Variants in NELL1 observed in about 807,000 individuals in gnomAD.
NELL1 encodes the protein neural EGFL like 1.
In NELL1, 76 loss-of-function variants were observed where a neutral mutation model predicts 107.4. The observed-to-expected ratio is 0.71, with a 90% CI of 0.59 to 0.86. The LOEUF (loss-of-function observed/expected upper bound fraction) is 0.86, where lower values mean the gene tolerates loss of function less well. Ranked by LOEUF, NELL1 falls within the 40% of genes least tolerant of loss-of-function variation. The pLI is 0.00. For missense variants in NELL1, 1,024 were observed against 1,005.5 expected, an observed-to-expected ratio of 1.02 and a Z score of -0.25; for synonymous variants, 353 against 341.2, an observed-to-expected ratio of 1.03 and a Z score of -0.38.
intron 4 of NELL1, among the ~76,000 whole-genome samples, chr11:20,870,639 G>A (rs1186888239): frequency 6.6e-6 from 1 of 152,102 alleles, no homozygotes. Flanking sequence ...GACACTTTCC[G>A]AGCTTGTAGC....
At chr11:21,044,095 T>A (rs1296264206) in intron 12 of NELL1, among the ~76,000 whole-genome samples, 3 of 152,092 alleles carry the variant, frequency 2.0e-5, no homozygotes, top group Admixed American at 6.6e-5. Flanking sequence ...AGGGCTCAGA[T>A]CAAATCCTGA....
chr11:20,883,195 G>A (rs1849442552), intron 4 of NELL1, among the ~76,000 whole-genome samples: 1 of 152,168 alleles, frequency 6.6e-6, no homozygotes, highest in South Asian at 2.1e-4. Context: ...TGTGGGGGCT[G>A]TATGACATGG....
At chr11:21,016,707 A>C (rs1044369594) in intron 12 of NELL1, among the ~76,000 whole-genome samples, 4 of 151,770 alleles carry the variant, frequency 2.6e-5, no homozygotes, top group Non-Finnish European at 5.9e-5. Flanking sequence ...CCCCTTTCCC[A>C]CCTGTATATT....
In NELL1 at chr11:20,891,140, C is replaced by A. The variant is rs140962784; in HGVS notation, c.603+5600C>A. Among the ~76,000 whole-genome samples the A allele has an allele frequency of 6.7e-3, 1,023 of 152,296 alleles. 29 individuals are homozygous for A. In the East Asian group the frequency reaches 0.07, roughly 10 times the overall value. ...AGACCAAGTCACCTACAAAGGGAAGCCCATCAGACTAACAGTGGACCTCTT... is the reference window on the plus strand; with the variant it reads ...AGACCAAGTCACCTACAAAGGGAAGACCATCAGACTAACAGTGGACCTCTT... On this transcript the variant is annotated intron_variant, in intron 5 of 19. Coordinates refer to ENST00000357134, the MANE Select transcript of NELL1 (RefSeq NM_006157.5).
At chr11:21,566,228 T>C (rs753858460) in intron 17 of NELL1, among the ~76,000 whole-genome samples, 1 of 151,946 alleles carries the variant, frequency 6.6e-6, no homozygotes, top group Non-Finnish European at 1.5e-5. Flanking sequence ...TATTACTGTT[T>C]TACAGAAATA....
chr11:21,184,046 C>T (rs1330239456), intron 13 of NELL1, among the ~76,000 whole-genome samples: 2 of 151,880 alleles, frequency 1.3e-5, no homozygotes, highest in African/African-American at 4.9e-5. Context: ...GAGGCAGTAG[C>T]ACCATTCCTA....
intron 15 of NELL1, among the ~76,000 whole-genome samples, chr11:21,507,917 A>T (rs1590989777): frequency 6.6e-6 from 1 of 151,940 alleles, no homozygotes; most frequent in East Asian, 1.9e-4. Context: ...AGTAGCTGAG[A>T]CTACAGGTGT....
chr11:21,506,657 T>G (rs1369051574), intron 15 of NELL1, among the ~76,000 whole-genome samples: 1 of 152,212 alleles, frequency 6.6e-6, no homozygotes, highest in Non-Finnish European at 1.5e-5. Flanking sequence ...ATAGTTATTA[T>G]TACTATTATT....
chr11:21,320,608 G>A (rs545661864), intron 14 of NELL1, among the ~76,000 whole-genome samples: 46 of 152,274 alleles, frequency 3.0e-4, no homozygotes, highest in Non-Finnish European at 2.2e-4. Flanking sequence ...GTGGTTGGCT[G>A]GAATTGCTGT....
intron 14 of NELL1, among the ~76,000 whole-genome samples, chr11:21,278,386 T>A (rs2133944310): frequency 6.6e-6 from 1 of 152,282 alleles, no homozygotes; most frequent in South Asian, 2.1e-4. Context: ...TAAGTAGAAA[T>A]TTTTTAAAAA....
chr11:20,894,225 A>G (rs1262223336), intron 5 of NELL1, among the ~76,000 whole-genome samples: 2 of 152,254 alleles, frequency 1.3e-5, no homozygotes, highest in Admixed American at 6.5e-5. Flanking sequence ...TAGGAAAAAT[A>G]CTTTTTAAAT....
intron 5 of NELL1, among the ~76,000 whole-genome samples, chr11:20,904,551 A>T (rs539390772): frequency 6.6e-6 from 1 of 152,188 alleles, no homozygotes; most frequent in Non-Finnish European, 1.5e-5. Flanking sequence ...TCTTTGGACA[A>T]TTAGAACATT....
chr11:21,293,661 G>A (rs1237496504), intron 14 of NELL1, among the ~76,000 whole-genome samples: 2 of 152,138 alleles, frequency 1.3e-5, no homozygotes, highest in Non-Finnish European at 2.9e-5. Flanking sequence ...GTCCACAATA[G>A]CAAAGACTTG....
At chr11:21,281,022 G>T (rs1030947674) in intron 14 of NELL1, among the ~76,000 whole-genome samples, 5 of 151,468 alleles carry the variant, frequency 3.3e-5, no homozygotes, top group African/African-American at 1.2e-4. Flanking sequence ...ACCCCAGGCT[G>T]CACAGCTTAC....
At chr11:21,015,909 T>A (rs1336678390) in intron 12 of NELL1, among the ~76,000 whole-genome samples, 1 of 152,092 alleles carries the variant, frequency 6.6e-6, no homozygotes, top group African/African-American at 2.4e-5. Flanking sequence ...CTGTTTTGCT[T>A]TATAAATGAC....
At chr11:21,203,245 G>A (rs1421401807) in intron 13 of NELL1, among the ~76,000 whole-genome samples, 3 of 151,970 alleles carry the variant, frequency 2.0e-5, no homozygotes, top group African/African-American at 7.2e-5. Context: ...ACTATTATTG[G>A]GTGGGAGTCT....
chr11:21,436,725 G>A (rs1160040408), intron 15 of NELL1, among the ~76,000 whole-genome samples: 1 of 152,022 alleles, frequency 6.6e-6, no homozygotes, highest in Admixed American at 6.5e-5. Context: ...GCATTGCTAG[G>A]TTATTTGAAA....
rs1851290718 is a variant in NELL1 at position 20,961,526 on chromosome 11, G to A, written c.1300+966G>A. The stretch of plus-strand genomic sequence containing the variant: ...AATTCCTGGTCACTTTCCTCTAAGT[G>A]GTCTGGCTCTCAGATAGGTCAGGTA... On this transcript the variant is annotated intron_variant, in intron 12 of 19. Transcript: ENST00000357134. 2.0e-5 allele frequency among the ~76,000 whole-genome samples: 3 copies of A among 152,016 alleles called. No homozygotes were observed. In the South Asian group the frequency reaches 6.2e-4, roughly 32 times the overall value.
intron 14 of NELL1, among the ~76,000 whole-genome samples, chr11:21,314,667 CAGA>C (rs1199853966): frequency 1.3e-5 from 2 of 152,110 alleles, no homozygotes; most frequent in Non-Finnish European, 2.9e-5. Context: ...GTACGAAAAG[CAGA>C]AGAAGTTATT....
Sources: allele counts gnomAD v4.1 joint callset (sites outside exome capture counted in the v4.1 genomes callset), GRCh38; gene constraint gnomAD v4.1.1; transcripts MANE v1.5; gene names NCBI Gene and HGNC (gene_info 2026-07-23, HGNC 2026-07-21).